L3MBTL3: variants seen among roughly 807,000 people sequenced by gnomAD.
The protein encoded by L3MBTL3 is lethal(3)malignant brain tumor-like protein 3.
In L3MBTL3, 27 loss-of-function variants were observed where a neutral mutation model predicts 102.3. That is an observed-to-expected ratio of 0.26 (90% CI 0.19 to 0.36). The LOEUF (loss-of-function observed/expected upper bound fraction) is 0.36, where lower values mean the gene tolerates loss of function less well. L3MBTL3 is among the 10% of genes least tolerant of loss of function. The pLI, the probability that L3MBTL3 is intolerant of heterozygous loss-of-function variation, is 1.00. For missense variants in L3MBTL3, 798 were observed against 955.3 expected, an observed-to-expected ratio of 0.84 and a Z score of 2.17; for synonymous variants, 340 against 320.9, an observed-to-expected ratio of 1.06 and a Z score of -0.64.
intron 18 of L3MBTL3, 38 bp from the exon 19 acceptor site, chr6:130,104,388 C>A: frequency 1.4e-6 from 2 of 1,436,008 alleles, no homozygotes; most frequent in Non-Finnish European, 9.3e-7. Context: ...TGGAAATGTT[C>A]AATGTTCTTT....
intron 19 of L3MBTL3, among the ~76,000 whole-genome samples, chr6:130,106,977 C>T (rs1051971150): frequency 6.6e-6 from 1 of 152,126 alleles, no homozygotes; most frequent in Non-Finnish European, 1.5e-5. Flanking sequence ...CAAAGTGTCC[C>T]ATTTGATTAT....
chr6:130,055,606 G>C (rs1219587309), intron 8 of L3MBTL3, among the ~76,000 whole-genome samples: 39 of 51,506 alleles, frequency 7.6e-4, no homozygotes, highest in African/African-American at 9.1e-4. Context: ...CTCCCTCTCT[G>C]TCTCCGCCTC....
At chr6:130,132,726 T>G (rs988575207) in intron 20 of L3MBTL3, among the ~76,000 whole-genome samples, 1 of 152,026 alleles carries the variant, frequency 6.6e-6, no homozygotes, top group African/African-American at 2.4e-5. Flanking sequence ...TAAAACTAGC[T>G]TTGGGTTCAG....
intron 3 of L3MBTL3, among the ~76,000 whole-genome samples, chr6:130,047,106 A>G (rs1415794880): frequency 6.6e-6 from 1 of 151,270 alleles, no homozygotes. Context: ...GGTATTCTTT[A>G]TTTTTTTTTC....
chr6:130,126,076 G>GCTCC (rs1263903325), intron 20 of L3MBTL3, among the ~76,000 whole-genome samples: 3 of 149,640 alleles, frequency 2.0e-5, no homozygotes, highest in African/African-American at 7.4e-5. Flanking sequence ...TCCCTCCCTC[G>GCTCC]CTCCCTCCCT....
At chr6:130,039,440 A>T (rs1780276816) in intron 2 of L3MBTL3, among the ~76,000 whole-genome samples, 1 of 151,970 alleles carries the variant, frequency 6.6e-6, no homozygotes, top group African/African-American at 2.4e-5. Flanking sequence ...CAATATTGTG[A>T]TTGGTTGATA....
chr6:130,074,545 G>T (rs899853772), intron 13 of L3MBTL3, among the ~76,000 whole-genome samples: 3 of 152,226 alleles, frequency 2.0e-5, no homozygotes, highest in Non-Finnish European at 4.4e-5. Context: ...GGTTACTGCT[G>T]TCCTCCCGCC....
chr6:130,096,373 G>A (rs1311596174), intron 18 of L3MBTL3, among the ~76,000 whole-genome samples: 2 of 152,198 alleles, frequency 1.3e-5, no homozygotes, highest in Non-Finnish European at 2.9e-5. Flanking sequence ...CCTTTCTGCT[G>A]TACAAAGTGT....
intron 14 of L3MBTL3, among the ~76,000 whole-genome samples, chr6:130,082,161 T>C (rs1441278729): frequency 6.6e-6 from 1 of 152,204 alleles, no homozygotes; most frequent in Admixed American, 6.6e-5. Context: ...GCTAGGTTTG[T>C]CTACTAATGG....
In L3MBTL3 at chr6:130,120,890, CTGA is replaced by C; in HGVS notation, c.1904_1906del (p.Asp635del). 6.2e-7 allele frequency: 1 copy of C among 1,610,982 alleles called. No homozygotes were observed. Among genetic ancestry groups the C allele is most frequent in the Non-Finnish European group, 8.5e-7 (1 of 1,178,262 alleles). On this transcript the variant is annotated inframe_deletion, in exon 20 of 23. Coordinates refer to ENST00000361794, the MANE Select transcript of L3MBTL3 (RefSeq NM_032438.4). ...CCTGTTTTTCTTAGAGACCAGCATGCTGATGATGTCAAAGAAGACTTTGAAGAG... is the reference window on the plus strand; with the variant it reads ...CCTGTTTTTCTTAGAGACCAGCATGCTGATGTCAAAGAAGACTTTGAAGAG...
At chr6:130,036,397 TCAGAATCTCTGC>T (rs1486308827) in intron 2 of L3MBTL3, among the ~76,000 whole-genome samples, 1 of 152,230 alleles carries the variant, frequency 6.6e-6, no homozygotes, top group African/African-American at 2.4e-5. Flanking sequence ...AATATTGTAT[TCAGAATCTCTGC>T]AAACCTTAGA....
Position 130,133,445 on chromosome 6 carries a change from T to C in L3MBTL3, c.1967-7T>C. On this transcript the variant is annotated splice_region_variant and splice_polypyrimidine_tract_variant and intron_variant, in intron 20 of 22. Transcript: ENST00000361794. This position sits in a 1 kb window ranked among gnomAD's most constrained non-coding sequence, Gnocchi z 4.9. ...AGAGTGATTTCCCATTTGTTTTCAT[T>C]GACCAGGTGCCCGGGAAGAACCCAC... 1 of 1,612,638 alleles carries C rather than the reference T, an allele frequency of 6.2e-7. No individual in the cohort carries two copies. Among genetic ancestry groups the C allele is most frequent in the Non-Finnish European group, 8.5e-7 (1 of 1,179,234 alleles).
chr6:130,123,688 T>G (rs1786396519), intron 20 of L3MBTL3, among the ~76,000 whole-genome samples: 1 of 152,222 alleles, frequency 6.6e-6, no homozygotes, highest in Non-Finnish European at 1.5e-5. Flanking sequence ...TCTTTTATCT[T>G]TTCAAAATGG....
chr6:130,042,639 T>C, intron 2 of L3MBTL3, 46 bp from the exon 3 acceptor site: 1 of 1,144,638 alleles, frequency 8.7e-7, no homozygotes, highest in Non-Finnish European at 1.3e-6. Flanking sequence ...TAAAAACAGA[T>C]TTCCATGTGG....
chr6:130,053,567 G>A (rs1448904838), intron 7 of L3MBTL3, among the ~76,000 whole-genome samples: 6 of 151,580 alleles, frequency 4.0e-5, no homozygotes, highest in Non-Finnish European at 8.8e-5. Flanking sequence ...CCTGGGAGGT[G>A]GAGCTTGCAA....
rs185046989 is a variant in L3MBTL3, at chr6:130,120,865, C to A, written c.1887-14C>A. Reference sequence around the variant, plus strand: ...GTTTCTCTTATAAAATATTGAAATGCCTGTTTTTCTTAGAGACCAGCATGC... The same window carrying A: ...GTTTCTCTTATAAAATATTGAAATGACTGTTTTTCTTAGAGACCAGCATGC... On this transcript the variant is annotated splice_polypyrimidine_tract_variant and intron_variant, in intron 19 of 22. Coordinates refer to ENST00000361794, the MANE Select transcript of L3MBTL3 (RefSeq NM_032438.4). 1 of 1,593,576 alleles carries A rather than the reference C, an allele frequency of 6.3e-7. No homozygotes were observed. Among genetic ancestry groups the A allele is most frequent in the Middle Eastern group, 1.7e-4 (1 of 5,988 alleles).
At chr6:130,111,093 G>A (rs554040946) in intron 19 of L3MBTL3, among the ~76,000 whole-genome samples, 1 of 152,066 alleles carries the variant, frequency 6.6e-6, no homozygotes, top group East Asian at 1.9e-4. Flanking sequence ...ATCCTTGGAA[G>A]CAAACTCTGA....
At chr6:130,081,221 CTA>C (rs1214858189) in intron 14 of L3MBTL3, among the ~76,000 whole-genome samples, 1 of 152,204 alleles carries the variant, frequency 6.6e-6, no homozygotes, top group Non-Finnish European at 1.5e-5. Flanking sequence ...GCAGTTATCT[CTA>C]TTAATATTTT....
intron 20 of L3MBTL3, among the ~76,000 whole-genome samples, chr6:130,126,075 C>T (rs1786582578): frequency 6.6e-6 from 1 of 151,514 alleles, no homozygotes; most frequent in Admixed American, 6.6e-5. Context: ...TTCCCTCCCT[C>T]GCTCCCTCCC....
Sources: gnomAD v4.1 joint callset for allele counts (sites outside exome capture counted in the v4.1 genomes callset) on GRCh38, gnomAD v4.1.1 for gene constraint, Gnocchi (gnomAD v3.1) non-coding constraint, MANE v1.5 for transcripts, NCBI Gene and HGNC (gene_info 2026-07-23, HGNC 2026-07-21) for gene names.